Variants in MALRD1 observed in about 807,000 individuals in gnomAD.
MALRD1 encodes MAM and LDL-receptor class A domain-containing protein 1.
MALRD1 carries 247 observed loss-of-function variants against 242.1 expected under a neutral mutation model. The observed-to-expected ratio is 1.02, with a 90% CI of 0.92 to 1.13. The LOEUF (loss-of-function observed/expected upper bound fraction) is 1.13, where lower values mean the gene tolerates loss of function less well. MALRD1 is among the 50% of genes most tolerant of loss of function. The pLI, the probability that MALRD1 is intolerant of heterozygous loss-of-function variation, is 0.00. For missense variants in MALRD1, 2,989 were observed against 2,533.1 expected (o/e 1.18, Z -3.86); for synonymous variants, 995 against 866.6 (o/e 1.15, Z -2.60).
chr10:19,459,545 G>A (rs1022410729), intron 29 of MALRD1, among the ~76,000 whole-genome samples: 3 of 151,846 alleles, frequency 2.0e-5, no homozygotes, highest in Non-Finnish European at 4.4e-5. Context: ...CTGGTCCAAG[G>A]CCATTCTTTA....
intron 21 of MALRD1, among the ~76,000 whole-genome samples, chr10:19,316,173 G>A (rs1052545016): frequency 6.6e-6 from 1 of 150,640 alleles, no homozygotes; most frequent in Non-Finnish European, 1.5e-5. Context: ...CAATTGCTCT[G>A]CAGGTAAATA....
At chr10:19,555,454 G>A (rs987388641) in intron 32 of MALRD1, among the ~76,000 whole-genome samples, 4 of 152,110 alleles carry the variant, frequency 2.6e-5, no homozygotes, top group Admixed American at 6.6e-5. Flanking sequence ...GAAGGAAGTG[G>A]GGAGGTGGGC....
At chr10:19,127,007 A>G (rs12762547) in intron 7 of MALRD1, among the ~76,000 whole-genome samples, 19,746 of 152,106 alleles carry the variant, frequency 0.13, 1,635 homozygotes, top group Admixed American at 0.23. Flanking sequence ...AACATGTGGT[A>G]CTTGGCTTTC....
At chr10:19,282,733 T>G (rs1289113951) in intron 20 of MALRD1, among the ~76,000 whole-genome samples, 1 of 152,184 alleles carries the variant, frequency 6.6e-6, no homozygotes, top group African/African-American at 2.4e-5. Context: ...TGGAAGTGCT[T>G]AAATTGCTGC....
intron 21 of MALRD1, among the ~76,000 whole-genome samples, chr10:19,305,349 G>A (rs748078256): frequency 2.0e-5 from 3 of 151,470 alleles, no homozygotes; most frequent in Non-Finnish European, 4.4e-5. Flanking sequence ...AAAATTATAC[G>A]AATAAGAAAT....
chr10:19,234,452 TC>T (rs1838212516), intron 18 of MALRD1, among the ~76,000 whole-genome samples: 1 of 152,126 alleles, frequency 6.6e-6, no homozygotes, highest in Admixed American at 6.5e-5. Flanking sequence ...TATGAACAAA[TC>T]TACTCTAATA....
chr10:19,458,972 C>T (rs1206182909), intron 29 of MALRD1, among the ~76,000 whole-genome samples: 1 of 151,872 alleles, frequency 6.6e-6, no homozygotes, highest in East Asian at 1.9e-4. Context: ...TCATCAAGCC[C>T]ATCCTAACAC....
intron 2 of MALRD1, among the ~76,000 whole-genome samples, chr10:19,078,020 A>C (rs1835370247): frequency 6.6e-6 from 1 of 151,890 alleles, no homozygotes; most frequent in Non-Finnish European, 1.5e-5. Flanking sequence ...ATTATTATGA[A>C]GATTTAATGA....
chr10:19,585,369 G>T (rs1273312405), intron 33 of MALRD1, among the ~76,000 whole-genome samples: 6 of 152,032 alleles, frequency 3.9e-5, no homozygotes, highest in African/African-American at 1.4e-4. Flanking sequence ...GGTACCGGTT[G>T]TTCCTTTCTG....
intron 18 of MALRD1, among the ~76,000 whole-genome samples, chr10:19,240,649 C>T (rs753102821): frequency 2.1e-4 from 32 of 151,962 alleles, no homozygotes; most frequent in Admixed American, 6.6e-4. Context: ...TCCTCCATAT[C>T]ATAGAGGAAA....
At chr10:19,254,064 C>T (rs1839406699) in intron 18 of MALRD1, among the ~76,000 whole-genome samples, 2 of 151,978 alleles carry the variant, frequency 1.3e-5, no homozygotes, top group Non-Finnish European at 2.9e-5. Context: ...TTTCTTGAGG[C>T]CTCCCCAGCC....
chr10:19,498,063 G>A (rs1837800375), intron 30 of MALRD1, among the ~76,000 whole-genome samples: 1 of 152,236 alleles, frequency 6.6e-6, no homozygotes, highest in Admixed American at 6.5e-5. Context: ...CTCCCAAAGT[G>A]CCTTTTCTTG....
Position 19,452,235 on chromosome 10 carries a change from C to T in MALRD1, c.5029+1745C>T, listed in dbSNP as rs79332642. On this transcript the variant is annotated intron_variant, in intron 29 of 39. Transcript: ENST00000454679. ...GATTCCTAGATGGGTTGATTCAGGACAGAAGGAAACTGAGAGTTATTATTC... is the reference window on the plus strand; with the variant it reads ...GATTCCTAGATGGGTTGATTCAGGATAGAAGGAAACTGAGAGTTATTATTC... 2.4e-3 allele frequency among the ~76,000 whole-genome samples: 368 copies of T among 152,266 alleles called. 5 individuals are homozygous for T. In the East Asian group the frequency reaches 0.047, roughly 20 times the overall value.
rs1363756017 is a variant in MALRD1, at chr10:19,708,073, A to G, written c.6314+15519A>G. ...TGAGAAAATAAAAAAAAAAGCAAGC[A>G]TCAAAGATGATCCCAGAGTATTATA... On this transcript the variant is annotated intron_variant, in intron 38 of 39. Transcript: ENST00000454679. 1.7e-5 allele frequency among the ~76,000 whole-genome samples: 2 copies of G among 120,820 alleles called. 1 individual carries two copies. The highest frequency in any genetic ancestry group is 3.8e-5 in the Non-Finnish European group (2 of 52,916). 79.3% of individuals were successfully genotyped at this position (120,820 alleles called of 152,430 possible).
chr10:19,689,425 G>A (rs899528583), intron 36 of MALRD1, among the ~76,000 whole-genome samples: 8 of 152,150 alleles, frequency 5.3e-5, no homozygotes, highest in East Asian at 1.9e-4. Context: ...TAAACATCAC[G>A]TGACCATTTT....
chr10:19,178,575 C>A (rs921342009), intron 14 of MALRD1, among the ~76,000 whole-genome samples: 5 of 152,164 alleles, frequency 3.3e-5, no homozygotes, highest in African/African-American at 1.2e-4. Flanking sequence ...GCTCACAGTC[C>A]GCGTGATGAA....
chr10:19,679,164 T>A (rs1039449612), intron 36 of MALRD1, among the ~76,000 whole-genome samples: 1 of 152,204 alleles, frequency 6.6e-6, no homozygotes, highest in African/African-American at 2.4e-5. Flanking sequence ...AGGATGATGC[T>A]GGCCCCATTA....
At chr10:19,449,175 G>T (rs998384970) in intron 28 of MALRD1, among the ~76,000 whole-genome samples, 4 of 151,968 alleles carry the variant, frequency 2.6e-5, no homozygotes, top group Non-Finnish European at 2.9e-5. Flanking sequence ...TTTTAGTTTA[G>T]TTTATTTATT....
intron 29 of MALRD1, among the ~76,000 whole-genome samples, chr10:19,451,912 T>C (rs1835350020): frequency 6.6e-6 from 1 of 152,190 alleles, no homozygotes. Context: ...GGTATCTATG[T>C]CATGCAGGAG....
Sources: gnomAD v4.1 joint callset for allele counts (sites outside exome capture counted in the v4.1 genomes callset) on GRCh38, gnomAD v4.1.1 for gene constraint, MANE v1.5 for transcripts, NCBI Gene and HGNC (gene_info 2026-07-23, HGNC 2026-07-21) for gene names.